LRMDA: variants seen among roughly 807,000 people sequenced by gnomAD.
LRMDA encodes the protein leucine rich melanocyte differentiation associated, also known as leucine-rich melanocyte differentiation-associated protein.
A neutral mutation model predicts 29.8 loss-of-function variants in LRMDA; 18 were observed. The observed-to-expected ratio is 0.60, with a 90% CI of 0.42 to 0.90. LRMDA has a LOEUF of 0.90. Among genes scored for constraint, LRMDA ranks in the 40% least tolerant of loss-of-function variants. LRMDA has a pLI of 0.00. For synonymous variants in LRMDA, 125 were observed against 109.4 expected (o/e 1.14, Z -0.89); for missense variants, 273 against 273.9 (o/e 1.00, Z 0.02).
At chr10:76,287,560 GTATT>G (rs1222158465) in intron 5 of LRMDA, among the ~76,000 whole-genome samples, 20 of 151,932 alleles carry the variant, frequency 1.3e-4, no homozygotes, top group Admixed American at 1.3e-3. Context: ...AATAACAAAA[GTATT>G]TATTATAATA....
intron 6 of LRMDA, among the ~76,000 whole-genome samples, chr10:76,482,194 C>A (rs1351774230): frequency 6.6e-6 from 1 of 151,850 alleles, no homozygotes; most frequent in East Asian, 1.9e-4. Context: ...ATTAAATATG[C>A]CTTTTGGGCA....
At chr10:76,044,439 GTT>G (rs3042545) in intron 3 of LRMDA, among the ~76,000 whole-genome samples, 2,767 of 136,912 alleles carry the variant, frequency 0.02, 30 homozygotes, top group Middle Eastern at 0.052. Context: ...TTTTTTCTTT[GTT>G]TTTTTTTTTT....
intron 5 of LRMDA, among the ~76,000 whole-genome samples, chr10:76,319,993 T>G (rs765149218): frequency 2.6e-5 from 4 of 152,218 alleles, no homozygotes; most frequent in Non-Finnish European, 5.9e-5. Context: ...TCAGGTTCTT[T>G]CAGTGCATCC....
intron 2 of LRMDA, among the ~76,000 whole-genome samples, chr10:75,484,742 A>G (rs912102532): frequency 6.6e-6 from 1 of 152,222 alleles, no homozygotes; most frequent in Non-Finnish European, 1.5e-5. Flanking sequence ...CCTCATATGC[A>G]CAGAGAAGAG....
rs188725083 is a variant in LRMDA at position 76,466,420 on chromosome 10, A to G, written c.602-90789A>G. ...AGGACCTAACAGGTGTCCGCTGGCAAAAAAGAAGTGTAATCTGCAGCCTAC... is the reference window on the plus strand; with the variant it reads ...AGGACCTAACAGGTGTCCGCTGGCAGAAAAGAAGTGTAATCTGCAGCCTAC... On this transcript the variant is annotated intron_variant, in intron 6 of 6. Transcript: ENST00000611255. 3.8e-3 allele frequency among the ~76,000 whole-genome samples: 573 copies of G among 152,164 alleles called. 4 individuals are homozygous for G. Among genetic ancestry groups the G allele is most frequent in the Non-Finnish European group, 4.4e-3 (299 of 68,004 alleles).
chr10:76,245,584 C>T (rs965546465), intron 5 of LRMDA, among the ~76,000 whole-genome samples: 1 of 152,218 alleles, frequency 6.6e-6, no homozygotes, highest in Admixed American at 6.5e-5. Flanking sequence ...TATTCACAGC[C>T]ATCTTATGGG....
intron 2 of LRMDA, among the ~76,000 whole-genome samples, chr10:75,617,827 T>A (rs1301032051): frequency 6.6e-6 from 1 of 152,218 alleles, no homozygotes; most frequent in Non-Finnish European, 1.5e-5. Context: ...TCTATCCATG[T>A]CTGAGCCTCT....
At chr10:76,397,572 T>C (rs1841800065) in intron 6 of LRMDA, among the ~76,000 whole-genome samples, 1 of 152,206 alleles carries the variant, frequency 6.6e-6, no homozygotes, top group South Asian at 2.1e-4. Context: ...TATTTTACGA[T>C]TCCCTCTCGG....
At chr10:75,587,697 T>C (rs1374249612) in intron 2 of LRMDA, among the ~76,000 whole-genome samples, 2 of 152,206 alleles carry the variant, frequency 1.3e-5, no homozygotes, top group Non-Finnish European at 2.9e-5. Context: ...ATCAGTAACT[T>C]TGAATGACAG....
At chr10:75,765,333 A>T (rs1843149652) in intron 2 of LRMDA, among the ~76,000 whole-genome samples, 1 of 151,906 alleles carries the variant, frequency 6.6e-6, no homozygotes, top group Non-Finnish European at 1.5e-5. Flanking sequence ...TGAGGACACT[A>T]GTTATTGAGA....
chr10:76,154,038 A>G (rs1410252104), intron 5 of LRMDA, among the ~76,000 whole-genome samples: 2 of 152,230 alleles, frequency 1.3e-5, no homozygotes, highest in Admixed American at 1.3e-4. Flanking sequence ...TATAGATATG[A>G]CACATTTGCC....
At chr10:75,545,048 G>A (rs1260362099) in intron 2 of LRMDA, among the ~76,000 whole-genome samples, 2 of 152,122 alleles carry the variant, frequency 1.3e-5, no homozygotes, top group South Asian at 2.1e-4. Context: ...GCGGTTCTCA[G>A]TGTGGGGAGG....
At chr10:75,658,295 G>GAAAAAAA (rs10649469) in intron 2 of LRMDA, among the ~76,000 whole-genome samples, 1 of 76,640 alleles carries the variant, frequency 1.3e-5, no homozygotes, top group Admixed American at 1.6e-4. Context: ...CAAAGAAAAT[G>GAAAAAAA]AAAAAAAAAA....
At chr10:76,149,967 G>A (rs1024211394) in intron 5 of LRMDA, among the ~76,000 whole-genome samples, 2 of 152,176 alleles carry the variant, frequency 1.3e-5, no homozygotes, top group South Asian at 2.1e-4. Context: ...AGAGAGAGGT[G>A]GACCAACCAG....
chr10:75,610,640 A>T (rs971836877), intron 2 of LRMDA, among the ~76,000 whole-genome samples: 5 of 152,192 alleles, frequency 3.3e-5, no homozygotes, highest in African/African-American at 9.7e-5. Flanking sequence ...ACTTTATGGG[A>T]CTGGCCCATG....
At chr10:76,387,397 T>C (rs920751785) in intron 6 of LRMDA, among the ~76,000 whole-genome samples, 2 of 152,108 alleles carry the variant, frequency 1.3e-5, no homozygotes, top group African/African-American at 4.8e-5. Context: ...GCCCAGGAGT[T>C]TGAGACCAGC....
chr10:75,946,898 C>T (rs1846485330), intron 2 of LRMDA, among the ~76,000 whole-genome samples: 1 of 152,272 alleles, frequency 6.6e-6, no homozygotes, highest in Non-Finnish European at 1.5e-5. Context: ...CTCTAAGAAA[C>T]CTTTCAAGAC....
intron 2 of LRMDA, among the ~76,000 whole-genome samples, chr10:75,725,294 A>G (rs576742748): frequency 6.6e-6 from 1 of 152,204 alleles, no homozygotes; most frequent in African/African-American, 2.4e-5. Context: ...AGTAGCCACT[A>G]CTGGATCAAA....
At position 76,380,584 on chromosome 10, in the gene LRMDA, G is replaced by A. The variant is rs530963106; in HGVS notation, c.601+56099G>A. On this transcript the variant is annotated intron_variant, in intron 6 of 6. Transcript: ENST00000611255. ...CTCAGGTTGCTGAGGCAGGAGAATG[G>A]TGTAAACCCAGGAGGTGGAGCTTGC... Among the ~76,000 whole-genome samples, 571 of 151,136 alleles carry A rather than the reference G, an allele frequency of 3.8e-3. 2 individuals are homozygous for A. Among genetic ancestry groups the A allele is most frequent in the African/African-American group, 0.013 (523 of 41,084 alleles).
Sources: allele counts gnomAD v4.1 joint callset (sites outside exome capture counted in the v4.1 genomes callset), GRCh38; gene constraint gnomAD v4.1.1; transcripts MANE v1.5; gene names NCBI Gene and HGNC (gene_info 2026-07-23, HGNC 2026-07-21).